The following C1orf162 variants were observed in gnomAD, a reference collection of about 807,000 sequenced individuals.
The protein encoded by C1orf162 is chromosome 1 open reading frame 162.
C1orf162 carries 10 observed loss-of-function variants against 11.4 expected under a neutral mutation model. The observed-to-expected ratio is 0.88, with a 90% CI of 0.54 to 1.48. C1orf162 has a LOEUF of 1.48. Among genes scored for constraint, C1orf162 ranks in the 40% most tolerant of loss-of-function variants. The probability of loss-of-function intolerance (pLI) is 0.00; values close to 1 mark genes in which losing one functional copy is unlikely to be tolerated. For missense variants in C1orf162, 140 were observed against 149.5 expected (o/e 0.94, Z 0.33); for synonymous variants, 53 against 55.0 (o/e 0.96, Z 0.16).
intron 1 of C1orf162, chr1:111,474,734 CTT>C (rs1653938663): frequency 6.6e-6 from 1 of 152,086 alleles, no homozygotes; most frequent in Non-Finnish European, 1.5e-5. Flanking sequence ...TGGCCCTTTT[CTT>C]ATCTGACATT....
At chr1:111,474,058 T>C (rs1653917979) in intron 1 of C1orf162, 28 bp downstream of exon 1, 1 of 152,250 alleles carries the variant, frequency 6.6e-6, no homozygotes, top group Admixed American at 6.5e-5. Flanking sequence ...ATGCTTTTAA[T>C]CTAGATTAAA....
At chr1:111,476,733 A>ACTTAAG (rs1236469538) in intron 2 of C1orf162, 65 bp from the exon 3 acceptor site, 1 of 1,553,166 alleles carries the variant, frequency 6.4e-7, no homozygotes, top group Admixed American at 1.7e-5. Context: ...ACCTGGGGAA[A>ACTTAAG]CTTAAGCTGG....
In C1orf162 at chr1:111,476,945, A is replaced by G. The variant is rs1571388630; in HGVS notation, c.107+78A>G. Reference sequence around the variant, plus strand: ...TTGTGCTGACAGCCTCGGCTTGGGGATTTGGGCAGGGAGACTGGGGAGAAA... The same window carrying G: ...TTGTGCTGACAGCCTCGGCTTGGGGGTTTGGGCAGGGAGACTGGGGAGAAA... On this transcript the variant is annotated intron_variant, in intron 3 of 5. Coordinates refer to ENST00000369718, the MANE Select transcript of C1orf162 (RefSeq NM_001300834.2). 6 of 1,496,990 alleles carry G rather than the reference A, an allele frequency of 4.0e-6. No individual in the cohort carries two copies. In the South Asian group the frequency reaches 6.8e-5, roughly 17 times the overall value. The allele number at this position is 1,496,990 out of a possible 1,614,324, so 92.7% of individuals were successfully genotyped here.
rs754835198 is a variant in C1orf162, at chr1:111,477,941, C to G, written c.253-42C>G. The G allele has an allele frequency of 1.9e-6, 3 of 1,613,258 alleles. No homozygotes were observed. The East Asian group carries it at 6.7e-5, about 36-fold the overall frequency. Reference sequence around the variant, plus strand: ...TGCTTCTAAAGAGCAACCTTTTGCTCCAGACTGGACTCACTCATTCCTCCT... The same window carrying G: ...TGCTTCTAAAGAGCAACCTTTTGCTGCAGACTGGACTCACTCATTCCTCCT... On this transcript the variant is annotated intron_variant, in intron 5 of 5. Transcript: ENST00000369718.
At chr1:111,477,627 T>G in intron 4 of C1orf162, 99 bp from the exon 5 acceptor site, 1 of 1,371,434 alleles carries the variant, frequency 7.3e-7, no homozygotes, top group South Asian at 1.3e-5. Flanking sequence ...CAACACCTCC[T>G]CCCCACCCCA....
At position 111,474,031 on chromosome 1, in the gene C1orf162, G is replaced by T. The variant is rs1162424203; in HGVS notation, c.-12+1G>T. On this transcript the variant is annotated splice_donor_variant, in intron 1 of 5. Coordinates refer to ENST00000369718, the MANE Select transcript of C1orf162 (RefSeq NM_001300834.2). LOFTEE classifies it low-confidence loss of function (5UTR_SPLICE). ...CTATGACCGGACTTTTTCTTGAAAG[G>T]TAAATGCATTTACCACATGCTTTTA... 1 of 152,200 alleles carries T rather than the reference G, an allele frequency of 6.6e-6. No homozygotes were observed. The highest frequency in any genetic ancestry group is 1.5e-5 in the Non-Finnish European group (1 of 68,040). 9.4% of individuals were successfully genotyped at this position (152,200 alleles called of 1,614,324 possible). A position where few individuals can be genotyped will look rare whatever the true frequency, so the allele number is the denominator to read the frequency against.
intron 3 of C1orf162, 54 bp from the exon 4 acceptor site, chr1:111,477,280 G>A: frequency 8.9e-6 from 13 of 1,461,290 alleles, no homozygotes; most frequent in Non-Finnish European, 1.2e-5. Context: ...CACTCTTTAG[G>A]AAAGGCCTTC....
In C1orf162 at chr1:111,476,827, C is replaced by T. The variant is rs150912013; in HGVS notation, c.67C>T (p.Pro23Ser). ...ERQGTLSTAAPTTSPAPCLSN... is the reference protein window; with the variant it reads ...ERQGTLSTAASTTSPAPCLSN... ...ACAAGGCACTCTCTCCACAGCAGCC[C>T]CAACAACTAGCCCTGCACCCTGTCT... is the stretch of plus-strand genomic sequence containing the variant. Residue 23 changes from proline to serine, a missense_variant, in exon 3 of 6, where the codon CCA (proline) becomes TCA (serine). By Grantham distance (74) the Pro-to-Ser change is moderately conservative. Transcript: ENST00000369718. 16 of 1,614,032 alleles carry T rather than the reference C, an allele frequency of 9.9e-6. No homozygotes were observed. The highest frequency in any genetic ancestry group is 1.2e-5 in the Non-Finnish European group (14 of 1,179,966).
At chr1:111,474,099 A>G (rs1221870948) in intron 1 of C1orf162, 69 bp downstream of exon 1, 1 of 152,240 alleles carries the variant, frequency 6.6e-6, no homozygotes, top group East Asian at 1.9e-4. Context: ...GTGTCGTCTA[A>G]TTGTTAGTGG....
In C1orf162 at chr1:111,478,147, A is replaced by C; in HGVS notation, c.*24A>C. On this transcript the variant is annotated 3_prime_UTR_variant, in exon 6 of 6. Transcript: ENST00000369718. ...AACTCAGCTTTTCCAATGAGGCTTGAATCCATTTCCTCTCATCTCAGCCCT... is the reference window on the plus strand; with the variant it reads ...AACTCAGCTTTTCCAATGAGGCTTGCATCCATTTCCTCTCATCTCAGCCCT... The C allele has an allele frequency of 6.2e-7, 1 of 1,613,610 alleles. No homozygotes were observed. Among genetic ancestry groups the C allele is most frequent in the Admixed American group, 1.7e-5 (1 of 60,034 alleles).
intron 5 of C1orf162, 97 bp downstream of exon 5, chr1:111,477,872 T>A (rs1654052260): frequency 1.3e-6 from 2 of 1,595,916 alleles, no homozygotes; most frequent in African/African-American, 2.7e-5. Context: ...TGGTATTGAT[T>A]TCCAGACACT....
rs1654003211 is a variant in C1orf162 at position 111,476,753 on chromosome 1, A to AC, written c.38-45_38-44insC. The AC allele has an allele frequency of 3.1e-6, 5 of 1,593,364 alleles. No individual in the cohort carries two copies. The African/African-American group carries it at 5.4e-5, about 17-fold the overall frequency. On this transcript the variant is annotated intron_variant, in intron 2 of 5. Transcript: ENST00000369718. ...GGGAAACTTAAGCTGGAAGGGTATC[A>AC]TGAAAAGTGACAGATACACTAATTC...
intron 5 of C1orf162, 28 bp from the exon 6 acceptor site, chr1:111,477,955 C>T: frequency 1.2e-6 from 2 of 1,614,064 alleles, no homozygotes; most frequent in Non-Finnish European, 8.5e-7. Context: ...ACTGGACTCA[C>T]TCATTCCTCC....
At position 111,478,105 on chromosome 1, in the gene C1orf162, A is replaced by G; in HGVS notation, c.375A>G (p.Gln125=). Residue 125 remains glutamine, a synonymous_variant, in exon 6 of 6, where the codon CAA becomes CAG. Transcript: ENST00000369718. ...ACTTTGACCCCATTGTCTATGCTCA[A>G]ATTAAAGTAACAAACTAACTCAGCT... is the stretch of plus-strand genomic sequence containing the variant. ...SADFDPIVYA[Q]IKVTN 1.2e-6 allele frequency: 2 copies of G among 1,614,240 alleles called. No individual in the cohort carries two copies. The highest frequency in any genetic ancestry group is 1.1e-5 in the South Asian group (1 of 91,090).
intron 1 of C1orf162, among the ~76,000 whole-genome samples, chr1:111,474,414 A>G (rs1445065264): frequency 1.3e-5 from 2 of 152,192 alleles, no homozygotes; most frequent in Non-Finnish European, 2.9e-5. Flanking sequence ...CACAGCGGCT[A>G]TGGTAACATT....
chr1:111,477,250 TC>T, intron 3 of C1orf162, 83 bp from the exon 4 acceptor site: 1 of 1,169,094 alleles, frequency 8.6e-7, no homozygotes, highest in South Asian at 1.2e-5. Flanking sequence ...CAGGAGTCCA[TC>T]CATAGGCAGG....
At position 111,478,267 on chromosome 1, in the gene C1orf162, A is replaced by G; in HGVS notation, c.*144A>G. Reference sequence around the variant, plus strand: ...TGTTTAGATGTGATCTGGCAATGCTATCCAGCATCTTTGGAGACCAATGGT... The same window carrying G: ...TGTTTAGATGTGATCTGGCAATGCTGTCCAGCATCTTTGGAGACCAATGGT... On this transcript the variant is annotated 3_prime_UTR_variant, in exon 6 of 6. Coordinates refer to ENST00000369718, the MANE Select transcript of C1orf162 (RefSeq NM_001300834.2). 4.2e-6 allele frequency: 4 copies of G among 943,026 alleles called. No homozygotes were observed. The highest frequency in any genetic ancestry group is 1.6e-5 in the South Asian group (1 of 64,086). The allele number at this position is 943,026 out of a possible 1,614,324, so 58.4% of individuals were successfully genotyped here. A position where few individuals can be genotyped will look rare whatever the true frequency, so the allele number is the denominator to read the frequency against.
intron 5 of C1orf162, 62 bp from the exon 6 acceptor site, chr1:111,477,921 C>T: frequency 6.2e-7 from 1 of 1,608,462 alleles, no homozygotes; most frequent in Non-Finnish European, 8.5e-7. Context: ...CAGGTTGCTT[C>T]TAAAGAGCAA....
rs115665809 is a variant in C1orf162 at position 111,478,431 on chromosome 1, C to G, written c.*308C>G. On this transcript the variant is annotated 3_prime_UTR_variant, in exon 6 of 6. Coordinates refer to ENST00000369718, the MANE Select transcript of C1orf162 (RefSeq NM_001300834.2). ...CAGAGCTCAGTGCACAGAGTATTCA[C>G]CCAGCATCATGAATCAACTTGGGAG... The G allele has an allele frequency of 1.7e-3, 533 of 317,020 alleles. 3 individuals are homozygous for G. Among genetic ancestry groups the G allele is most frequent in the African/African-American group, 0.01 (502 of 47,962 alleles). 19.6% of individuals were successfully genotyped at this position (317,020 alleles called of 1,614,324 possible). A position where few individuals can be genotyped will look rare whatever the true frequency, so the allele number is the denominator to read the frequency against.
Sources: gnomAD v4.1 joint callset for allele counts (sites outside exome capture counted in the v4.1 genomes callset) on GRCh38, gnomAD v4.1.1 for gene constraint, MANE v1.5 for transcripts, NCBI Gene and HGNC (gene_info 2026-07-23, HGNC 2026-07-21) for gene names.